Variants in SLA observed in about 807,000 individuals in gnomAD.
SLA encodes the protein src-like-adapter.
Under a neutral mutation model 30.3 loss-of-function variants are expected in SLA, and 16 were observed. The ratio of observed to expected loss-of-function variants is 0.53; its 90% confidence interval spans 0.36 to 0.80. The LOEUF is 0.80. SLA is among the 30% of genes least tolerant of loss of function. The probability of loss-of-function intolerance (pLI) is 0.01; values close to 1 mark genes in which losing one functional copy is unlikely to be tolerated. For synonymous variants in SLA, 143 were observed against 137.8 expected (o/e 1.04, Z -0.26); for missense variants, 310 against 345.2 (o/e 0.90, Z 0.81).
intron 5 of SLA, chr8:133,049,406 C>T (rs1264734185): frequency 2.4e-5 from 7 of 293,192 alleles, no homozygotes; most frequent in African/African-American, 1.1e-4. Context: ...TGTATCATTA[C>T]ATCTTATTCT....
At chr8:133,039,900 T>G in intron 8 of SLA, 98 bp downstream of exon 8, 2 of 1,484,498 alleles carry the variant, frequency 1.3e-6, no homozygotes, top group South Asian at 2.6e-5. Context: ...ATGGTTTTCA[T>G]GTGCTCGGCA....
intron 1 of SLA, among the ~76,000 whole-genome samples, chr8:133,092,393 G>T (rs187930040): frequency 6.6e-6 from 1 of 152,176 alleles, no homozygotes; most frequent in Non-Finnish European, 1.5e-5. Context: ...GAAACTCCTC[G>T]CCATTGAATA....
At position 133,081,320 on chromosome 8, in the gene SLA, G is replaced by T. The variant is rs144808707; in HGVS notation, c.-318-6190C>A. 7.1e-4 allele frequency among the ~76,000 whole-genome samples: 108 copies of T among 152,362 alleles called. 6 individuals carry two copies. The East Asian group carries it at 0.019, about 26-fold the overall frequency. On this transcript the variant is annotated intron_variant, in intron 1 of 8. Transcript: ENST00000338087. ...CAGTAAAAGAATAAATGAAGGTTGT[G>T]CCTTTTGAATTAAAGTAAATAAATT...
intron 1 of SLA, among the ~76,000 whole-genome samples, chr8:133,079,966 T>C (rs2702974): frequency 0.49 from 74,795 of 151,450 alleles, 19,309 homozygotes; most frequent in African/African-American, 0.64. Context: ...CTGACCCACT[T>C]ATACAATAAT....
rs1048869029 is a variant in SLA at position 133,037,079 on chromosome 8, C to G, written c.*1445G>C. 1.3e-5 allele frequency: 2 copies of G among 152,162 alleles called. No homozygotes were observed. Among genetic ancestry groups the G allele is most frequent in the African/African-American group, 4.8e-5 (2 of 41,428 alleles). 9.4% of individuals were successfully genotyped at this position (152,162 alleles called of 1,614,324 possible). On this transcript the variant is annotated 3_prime_UTR_variant, in exon 9 of 9. Transcript: ENST00000338087. ...ACTGTGTAACTGCACATACACATAC[C>G]AGTAGCACGATGAGCTCAGATGGAC...
chr8:133,044,399 G>A (rs539141651), intron 7 of SLA, among the ~76,000 whole-genome samples: 5 of 152,204 alleles, frequency 3.3e-5, no homozygotes, highest in African/African-American at 1.2e-4. Flanking sequence ...GGTCTGTGAA[G>A]GGCACAAAAA....
intron 1 of SLA, among the ~76,000 whole-genome samples, chr8:133,092,686 C>CA (rs993408526): frequency 3.9e-5 from 6 of 152,170 alleles, no homozygotes; most frequent in African/African-American, 1.2e-4. Context: ...AGCTGGGGTT[C>CA]AAACCGAGCC....
chr8:133,072,041 A>G (rs748993520), intron 2 of SLA, among the ~76,000 whole-genome samples: 5 of 152,120 alleles, frequency 3.3e-5, no homozygotes, highest in Non-Finnish European at 5.9e-5. Context: ...TGAGGTAGCT[A>G]TTTTGCCCCT....
intron 1 of SLA, among the ~76,000 whole-genome samples, chr8:133,077,559 A>T (rs1845086492): frequency 6.6e-6 from 1 of 152,186 alleles, no homozygotes; most frequent in Non-Finnish European, 1.5e-5. Flanking sequence ...GCTGTGCCAG[A>T]GCAGGGGGAT....
At chr8:133,099,276 G>A (rs761997799) in intron 1 of SLA, among the ~76,000 whole-genome samples, 11 of 152,204 alleles carry the variant, frequency 7.2e-5, no homozygotes, top group Admixed American at 1.3e-4. Context: ...TAGACCGTTC[G>A]TTTCTGGCTT....
At chr8:133,098,314 G>A (rs996053302) in intron 1 of SLA, among the ~76,000 whole-genome samples, 3 of 152,158 alleles carry the variant, frequency 2.0e-5, no homozygotes, top group African/African-American at 7.2e-5. Flanking sequence ...CTAATACCCT[G>A]AATTATTATA....
intron 2 of SLA, among the ~76,000 whole-genome samples, chr8:133,064,720 C>T (rs550112409): frequency 3.3e-5 from 5 of 152,330 alleles, no homozygotes; most frequent in Admixed American, 2.6e-4. Flanking sequence ...GTTTCTGTTT[C>T]GCAGATCTGG....
At chr8:133,061,654 C>G (rs2131339765) in intron 2 of SLA, among the ~76,000 whole-genome samples, 1 of 152,312 alleles carries the variant, frequency 6.6e-6, no homozygotes, top group Middle Eastern at 3.4e-3. Flanking sequence ...CAGGGTCCCC[C>G]CATCGGCCTC....
At chr8:133,076,533 A>C (rs1453105168) in intron 1 of SLA, 1 of 152,206 alleles carries the variant, frequency 6.6e-6, no homozygotes, top group Non-Finnish European at 1.5e-5. Flanking sequence ...TACAGGGAAG[A>C]CGGGATAGGC....
At chr8:133,041,275 G>A (rs1380849182) in intron 7 of SLA, among the ~76,000 whole-genome samples, 4 of 152,336 alleles carry the variant, frequency 2.6e-5, no homozygotes, top group Non-Finnish European at 2.9e-5. Context: ...ACTTCCCATC[G>A]GGTTTATGGA....
At chr8:133,046,207 G>A (rs1839363315) in intron 6 of SLA, among the ~76,000 whole-genome samples, 1 of 152,228 alleles carries the variant, frequency 6.6e-6, no homozygotes, top group Admixed American at 6.5e-5. Flanking sequence ...AGAGACAGAG[G>A]AGAAAGGGAG....
chr8:133,074,664 T>A (rs1034924125), intron 2 of SLA, among the ~76,000 whole-genome samples, 189 bp downstream of exon 2: 22 of 152,304 alleles, frequency 1.4e-4, no homozygotes, highest in African/African-American at 5.3e-4. Flanking sequence ...GAATTATGCA[T>A]CCAACACCCA....
At chr8:133,079,979 A>C (rs760500110) in intron 1 of SLA, among the ~76,000 whole-genome samples, 10 of 151,990 alleles carry the variant, frequency 6.6e-5, no homozygotes, top group Non-Finnish European at 1.2e-4. Context: ...ACAATAATTT[A>C]ATAACAGTTT....
At chr8:133,051,017 G>T (rs1490950396) in intron 3 of SLA, 102 bp from the exon 4 acceptor site, 4 of 681,504 alleles carry the variant, frequency 5.9e-6, no homozygotes, top group Non-Finnish European at 7.9e-6. Context: ...AGATTTTCCA[G>T]CAGGAAATAC....
Sources: allele counts gnomAD v4.1 joint callset (sites outside exome capture counted in the v4.1 genomes callset), GRCh38; gene constraint gnomAD v4.1.1; transcripts MANE v1.5; gene names NCBI Gene and HGNC (gene_info 2026-07-23, HGNC 2026-07-21).